YTHDF2: variants seen among roughly 807,000 people sequenced by gnomAD.
The protein encoded by YTHDF2 is YTH N6-methyladenosine RNA binding protein F2.
YTHDF2 carries 2 observed loss-of-function variants against 50.4 expected under a neutral mutation model. That is an observed-to-expected ratio of 0.04 (90% confidence interval 0.02 to 0.12). YTHDF2 has a LOEUF of 0.12. Among genes scored for constraint, YTHDF2 ranks in the 10% least tolerant of loss-of-function variants. YTHDF2 has a pLI of 1.00. For synonymous variants in YTHDF2, 217 were observed against 255.6 expected, an observed-to-expected ratio of 0.85 and a Z score of 1.44; for missense variants, 483 against 722.6, an observed-to-expected ratio of 0.67 and a Z score of 3.80.
intron 4 of YTHDF2, 110 bp downstream of exon 4, chr1:28,744,096 C>A: frequency 9.0e-7 from 1 of 1,115,104 alleles, no homozygotes; most frequent in Non-Finnish European, 1.2e-6. Context: ...AATACAGTAT[C>A]ACCTAACAGT....
At chr1:28,757,902 A>T (rs1374918385) in intron 4 of YTHDF2, among the ~76,000 whole-genome samples, 1 of 151,958 alleles carries the variant, frequency 6.6e-6, no homozygotes, top group Non-Finnish European at 1.5e-5. Context: ...ATATTTAGGC[A>T]TTTGCTGGAT....
chr1:28,766,524 C>T (rs1350853019), intron 4 of YTHDF2, among the ~76,000 whole-genome samples: 2 of 152,092 alleles, frequency 1.3e-5, no homozygotes, highest in Non-Finnish European at 2.9e-5. Flanking sequence ...CTGTTTATGC[C>T]ATTACTGATA....
intron 2 of YTHDF2, 128 bp from the exon 3 acceptor site, chr1:28,738,130 AC>A: frequency 4.3e-6 from 3 of 698,842 alleles, no homozygotes; most frequent in East Asian, 2.7e-5. Flanking sequence ...GTCATCTCTT[AC>A]CCTTTTGAAG....
intron 4 of YTHDF2, among the ~76,000 whole-genome samples, chr1:28,748,040 A>G (rs954571820): frequency 1.3e-5 from 2 of 151,402 alleles, no homozygotes; most frequent in East Asian, 2.0e-4. Flanking sequence ...AGGCAGGAGA[A>G]TGGCGTGAAC....
At chr1:28,768,283 CAT>C (rs913965355) in intron 4 of YTHDF2, among the ~76,000 whole-genome samples, 3 of 152,080 alleles carry the variant, frequency 2.0e-5, no homozygotes, top group Non-Finnish European at 4.4e-5. Context: ...CTGAAAGACT[CAT>C]AAACAGTGAT....
At chr1:28,757,067 TC>T (rs1050167825) in intron 4 of YTHDF2, among the ~76,000 whole-genome samples, 17 of 152,312 alleles carry the variant, frequency 1.1e-4, no homozygotes, top group South Asian at 4.1e-4. Flanking sequence ...AAATTCTAGT[TC>T]CAGTGGGCCC....
At chr1:28,744,234 CAGAA>C (rs1226741582) in intron 4 of YTHDF2, among the ~76,000 whole-genome samples, 1 of 152,050 alleles carries the variant, frequency 6.6e-6, no homozygotes, top group African/African-American at 2.4e-5. Context: ...GGAAATCAGA[CAGAA>C]ACAGTACATG....
chr1:28,742,320 T>A (rs1218869259), intron 3 of YTHDF2, 83 bp from the exon 4 acceptor site: 1 of 1,488,388 alleles, frequency 6.7e-7, no homozygotes, highest in Non-Finnish European at 9.0e-7. Context: ...ATAGTATATT[T>A]GAATTGCGTG....
intron 4 of YTHDF2, among the ~76,000 whole-genome samples, chr1:28,746,618 G>A (rs1393233814): frequency 6.6e-6 from 1 of 151,844 alleles, no homozygotes; most frequent in African/African-American, 2.4e-5. Flanking sequence ...AAATTAGCTG[G>A]GTGTGGTTGT....
intron 4 of YTHDF2, among the ~76,000 whole-genome samples, chr1:28,754,955 T>G (rs1570473669): frequency 8.1e-5 from 7 of 86,398 alleles, no homozygotes; most frequent in Admixed American, 3.4e-4. Flanking sequence ...CCAGCCTGGG[T>G]GACAGCTCAA....
Position 28,744,945 on chromosome 1 carries a change from G to T in YTHDF2, c.1716+959G>T, listed in dbSNP as rs145350879. Among the ~76,000 whole-genome samples, 881 of 152,318 alleles carry T rather than the reference G, an allele frequency of 5.8e-3. 10 individuals are homozygous for T. The highest frequency in any genetic ancestry group is 0.02 in the African/African-American group (832 of 41,572). On this transcript the variant is annotated intron_variant, in intron 4 of 4. Coordinates refer to ENST00000373812, the MANE Select transcript of YTHDF2 (RefSeq NM_016258.3). The stretch of plus-strand genomic sequence containing the variant: ...CTCCCAAAGTGCTGGGATTACAGGT[G>T]TGAGCCACTGCAGCTGGCCTAGACA...
At position 28,753,358 on chromosome 1, in the gene YTHDF2, C is replaced by CAAAAAAAAAAAAAAAAAAAAAAAAAAA. The variant is rs34047138; in HGVS notation, c.1716+9386_1716+9412dup. 2.8e-3 allele frequency among the ~76,000 whole-genome samples: 48 copies of CAAAAAAAAAAAAAAAAAAAAAAAAAAA among 16,946 alleles called. 24 individuals carry two copies. The highest frequency in any genetic ancestry group is 7.5e-3 in the Admixed American group (8 of 1,072). 11.1% of individuals were successfully genotyped at this position (16,946 alleles called of 152,430 possible). The stretch of plus-strand genomic sequence containing the variant: ...GCAACATAATGAAATCCTGCCTCTC[C>CAAAAAAAAAAAAAAAAAAAAAAAAAAA]AAAAAAAAAAAAAAAAAAAAAAAAA... On this transcript the variant is annotated intron_variant, in intron 4 of 4. Coordinates refer to ENST00000373812, the MANE Select transcript of YTHDF2 (RefSeq NM_016258.3).
rs188907070 is a variant in YTHDF2 at position 28,751,421 on chromosome 1, A to G, written c.1716+7435A>G. Among the ~76,000 whole-genome samples, 23 of 152,322 alleles carry G rather than the reference A, an allele frequency of 1.5e-4. No homozygotes were observed. In the East Asian group the frequency reaches 4.0e-3, roughly 27 times the overall value. On this transcript the variant is annotated intron_variant, in intron 4 of 4. Coordinates refer to ENST00000373812, the MANE Select transcript of YTHDF2 (RefSeq NM_016258.3). ...GACTCTTCAGATCTAGTGAGTGGGC[A>G]TCCTGTTTTAAACCAGGATGACAAA...
chr1:28,761,006 C>A lies in YTHDF2; in HGVS notation c.1717-7923C>A, dbSNP rs79215510. Reference sequence around the variant, plus strand: ...AAGTGAGTAATGTTTTGTGCTACATCCTTACAGTGGCTTCGACATCGCTAG... The same window carrying A: ...AAGTGAGTAATGTTTTGTGCTACATACTTACAGTGGCTTCGACATCGCTAG... On this transcript the variant is annotated intron_variant, in intron 4 of 4. Transcript: ENST00000373812. Among the ~76,000 whole-genome samples, 983 of 152,170 alleles carry A rather than the reference C, an allele frequency of 6.5e-3. 86 individuals carry two copies. In the East Asian group the frequency reaches 0.16, roughly 26 times the overall value.
intron 4 of YTHDF2, among the ~76,000 whole-genome samples, chr1:28,765,638 G>A (rs1461549850): frequency 1.3e-5 from 2 of 151,870 alleles, no homozygotes; most frequent in Non-Finnish European, 1.5e-5. Flanking sequence ...TTGTTGTAGA[G>A]ACAGGGTCTC....
intron 4 of YTHDF2, among the ~76,000 whole-genome samples, chr1:28,763,871 G>GT (rs58507391): frequency 0.49 from 70,406 of 142,362 alleles, 18,071 homozygotes; most frequent in African/African-American, 0.65. Context: ...ACCAACTTTT[G>GT]TTTTTTTTTT....
rs74630100 is a variant in YTHDF2, at chr1:28,768,735, C to G, written c.1717-194C>G. On this transcript the variant is annotated intron_variant, in intron 4 of 4. Coordinates refer to ENST00000373812, the MANE Select transcript of YTHDF2 (RefSeq NM_016258.3). ...AATTTTCAAGTCAAAAGTAATTTTG[C>G]ATTAAGGTGTTTAAGTGTTTAAAAC... Among the ~76,000 whole-genome samples, 344 of 152,182 alleles carry G rather than the reference C, an allele frequency of 2.3e-3. 2 individuals carry two copies. Among genetic ancestry groups the G allele is most frequent in the African/African-American group, 8.0e-3 (331 of 41,538 alleles).
At chr1:28,758,257 C>T (rs2088064025) in intron 4 of YTHDF2, among the ~76,000 whole-genome samples, 1 of 151,920 alleles carries the variant, frequency 6.6e-6, no homozygotes, top group South Asian at 2.1e-4. Context: ...TCCTAGCTAC[C>T]TGGGAGGCTG....
chr1:28,744,149 C>G (rs1334466182), intron 4 of YTHDF2, among the ~76,000 whole-genome samples, 163 bp downstream of exon 4: 1 of 152,058 alleles, frequency 6.6e-6, no homozygotes, highest in Admixed American at 6.6e-5. Flanking sequence ...TACTTGAACC[C>G]TAATGTGAAG....
Sources: gnomAD v4.1 joint callset for allele counts (sites outside exome capture counted in the v4.1 genomes callset) on GRCh38, gnomAD v4.1.1 for gene constraint, MANE v1.5 for transcripts, NCBI Gene and HGNC (gene_info 2026-07-23, HGNC 2026-07-21) for gene names.